TINAG: variants seen among roughly 807,000 people sequenced by gnomAD.
The protein encoded by TINAG is tubulointerstitial nephritis antigen.
In TINAG, 83 loss-of-function variants were observed where a neutral mutation model predicts 72.7. The ratio of observed to expected loss-of-function variants is 1.14; its 90% CI spans 0.96 to 1.37. The LOEUF is 1.37. TINAG is among the 40% of genes most tolerant of loss of function. The pLI is 0.00. For missense variants in TINAG, 685 were observed against 576.6 expected (o/e 1.19, Z -1.93); for synonymous variants, 234 against 189.9 (o/e 1.23, Z -1.91).
At chr6:54,385,591 C>A (rs1257990467) in intron 10 of TINAG, among the ~76,000 whole-genome samples, 1 of 151,872 alleles carries the variant, frequency 6.6e-6, no homozygotes, top group Non-Finnish European at 1.5e-5. Context: ...AATTTTACAA[C>A]AAATCCTTTC....
intron 9 of TINAG, among the ~76,000 whole-genome samples, chr6:54,379,205 A>G (rs1243842162): frequency 1.3e-5 from 2 of 152,206 alleles, no homozygotes; most frequent in African/African-American, 4.8e-5. Flanking sequence ...ACCAAATTAC[A>G]TGAAAGTAAG....
chr6:54,350,402 T>C (rs1785237497), intron 7 of TINAG, among the ~76,000 whole-genome samples: 1 of 151,894 alleles, frequency 6.6e-6, no homozygotes, highest in South Asian at 2.1e-4. Flanking sequence ...TTTGTGAACC[T>C]CCAGTGTCTT....
intron 4 of TINAG, among the ~76,000 whole-genome samples, chr6:54,341,426 T>C (rs1784993614): frequency 6.6e-6 from 1 of 152,288 alleles, no homozygotes; most frequent in South Asian, 2.1e-4. Context: ...CTTGAAGTTA[T>C]CATGTAAGCA....
chr6:54,328,122 G>C (rs911390649), intron 4 of TINAG, among the ~76,000 whole-genome samples: 2 of 152,132 alleles, frequency 1.3e-5, no homozygotes, highest in African/African-American at 4.8e-5. Flanking sequence ...CTCTGTTAAA[G>C]GACAGACTGC....
At chr6:54,372,581 A>T (rs1049468985) in intron 9 of TINAG, among the ~76,000 whole-genome samples, 3 of 151,876 alleles carry the variant, frequency 2.0e-5, no homozygotes, top group African/African-American at 7.3e-5. Context: ...CTGTCAACTG[A>T]AATATGGATT....
In TINAG at chr6:54,308,698, G is replaced by C. The variant is rs756490801; in HGVS notation, c.148G>C (p.Ala50Pro). ...TTTGCAAGGTACTCGATTCAAAAGA[G>C]CCATTTTCCAAGGGCAATACTGTAG... is the stretch of plus-strand genomic sequence containing the variant. ...TVLQGTRFKR[A>P]IFQGQYCRNF... Residue 50 changes from alanine to proline, a missense_variant, in exon 1 of 11, where the codon GCC becomes CCC. Ala to Pro is a conservative substitution (Grantham distance 27). Transcript: ENST00000259782. The C allele has an allele frequency of 1.4e-5, 23 of 1,613,888 alleles. No individual in the cohort carries two copies. Among genetic ancestry groups the C allele is most frequent in the Non-Finnish European group, 1.9e-5 (23 of 1,179,878 alleles).
chr6:54,337,071 T>A (rs1784881877), intron 4 of TINAG, among the ~76,000 whole-genome samples: 1 of 151,920 alleles, frequency 6.6e-6, no homozygotes. Context: ...AATGGAAAAT[T>A]TTTTTAATCA....
Position 54,365,668 on chromosome 6 carries a change from A to G in TINAG, c.1250+11032A>G, listed in dbSNP as rs1262520379. ...CAAATGCAAAGGTGACTGGAAAATGAAAAGATTTGATGGGAACATTTTAAT... is the reference window on the plus strand; with the variant it reads ...CAAATGCAAAGGTGACTGGAAAATGGAAAGATTTGATGGGAACATTTTAAT... On this transcript the variant is annotated intron_variant, in intron 9 of 10. Transcript: ENST00000259782. 7.9e-5 allele frequency: 12 copies of G among 151,644 alleles called. No individual in the cohort carries two copies. The Admixed American group carries it at 7.9e-4, about 10-fold the overall frequency. 9.4% of individuals were successfully genotyped at this position (151,644 alleles called of 1,614,324 possible). A position where few individuals can be genotyped will look rare whatever the true frequency, so the allele number is the denominator to read the frequency against.
intron 10 of TINAG, among the ~76,000 whole-genome samples, chr6:54,380,849 T>C (rs1457742309): frequency 6.6e-6 from 1 of 151,416 alleles, no homozygotes; most frequent in Non-Finnish European, 1.5e-5. Context: ...TTATCTTCTA[T>C]ATTAAACTAA....
intron 9 of TINAG, among the ~76,000 whole-genome samples, chr6:54,373,583 A>G (rs1200376091): frequency 6.6e-6 from 1 of 152,172 alleles, no homozygotes; most frequent in African/African-American, 2.4e-5. Context: ...TCTATGAAAT[A>G]TATAAAATGA....
chr6:54,366,264 G>C (rs1225144678), intron 9 of TINAG, among the ~76,000 whole-genome samples: 1 of 151,444 alleles, frequency 6.6e-6, no homozygotes, highest in African/African-American at 2.4e-5. Flanking sequence ...ATGTGTGTGT[G>C]TGTGTGTGTG....
At chr6:54,326,591 G>A (rs945756173) in intron 3 of TINAG, among the ~76,000 whole-genome samples, 6 of 151,948 alleles carry the variant, frequency 3.9e-5, no homozygotes, top group Admixed American at 3.9e-4. Flanking sequence ...TACTTGAAAT[G>A]GACCTTATTT....
intron 4 of TINAG, among the ~76,000 whole-genome samples, chr6:54,333,985 A>G (rs1346159009): frequency 1.3e-5 from 2 of 152,182 alleles, no homozygotes; most frequent in African/African-American, 4.8e-5. Flanking sequence ...CCAGTTTTCT[A>G]GCATTCTTAT....
chr6:54,367,169 A>C (rs1456393261), intron 9 of TINAG: 1 of 151,728 alleles, frequency 6.6e-6, no homozygotes, highest in East Asian at 1.9e-4. Flanking sequence ...TATCCTTTGA[A>C]ATGATGTTCC....
chr6:54,360,356 A>G (rs1244512441), intron 9 of TINAG, among the ~76,000 whole-genome samples: 1 of 151,694 alleles, frequency 6.6e-6, no homozygotes, highest in Non-Finnish European at 1.5e-5. Flanking sequence ...TTATATACCA[A>G]TAAAAAGAGG....
chr6:54,337,675 T>G (rs79713319), intron 4 of TINAG, among the ~76,000 whole-genome samples: 189 of 152,260 alleles, frequency 1.2e-3, no homozygotes, highest in Non-Finnish European at 2.0e-3. Flanking sequence ...AAACGTTCAG[T>G]ATAAAAGGGA....
At chr6:54,384,476 T>C (rs1179706270) in intron 10 of TINAG, among the ~76,000 whole-genome samples, 1 of 152,038 alleles carries the variant, frequency 6.6e-6, no homozygotes, top group Non-Finnish European at 1.5e-5. Context: ...AAATGACACA[T>C]TATTCTCAAA....
intron 10 of TINAG, among the ~76,000 whole-genome samples, chr6:54,389,155 C>T (rs1181147970): frequency 2.0e-5 from 3 of 152,110 alleles, no homozygotes; most frequent in Non-Finnish European, 4.4e-5. Context: ...TGCTTAATTT[C>T]ACTGCTTCAT....
Position 54,389,909 on chromosome 6 carries a change from G to A in TINAG, c.1415G>A (p.Ser472Asn). ...ATCGCAGCTTGGGGCCAACTGACGA[G>A]TTCTGATGAACCATAACATATCATT... ...LIIAAWGQLT[S>N]SDEP Residue 472 changes from serine to asparagine, a missense_variant, in exon 11 of 11, where the codon AGT becomes AAT. Physicochemically the swap from Ser to Asn is conservative, Grantham distance 46. Coordinates refer to ENST00000259782, the MANE Select transcript of TINAG (RefSeq NM_014464.4). 8 of 1,611,340 alleles carry A rather than the reference G, an allele frequency of 5.0e-6. No homozygotes were observed. The highest frequency in any genetic ancestry group is 6.8e-6 in the Non-Finnish European group (8 of 1,178,886).
Sources: gnomAD v4.1 joint callset for allele counts (sites outside exome capture counted in the v4.1 genomes callset) on GRCh38, gnomAD v4.1.1 for gene constraint, MANE v1.5 for transcripts, NCBI Gene and HGNC (gene_info 2026-07-23, HGNC 2026-07-21) for gene names.